The following SIRT5 variants were observed in gnomAD, a reference collection of about 807,000 sequenced individuals.
The protein encoded by SIRT5 is NAD-dependent protein deacylase sirtuin-5, mitochondrial.
Under a neutral mutation model 40.0 loss-of-function variants are expected in SIRT5, and 26 were observed. The ratio of observed to expected loss-of-function variants is 0.65; its 90% CI spans 0.48 to 0.90. The LOEUF (loss-of-function observed/expected upper bound fraction) is 0.90, where lower values mean the gene tolerates loss of function less well. Ranked by LOEUF, SIRT5 falls within the 40% of genes least tolerant of loss-of-function variation. The pLI is 0.00. For synonymous variants in SIRT5, 146 were observed against 149.1 expected, an observed-to-expected ratio of 0.98 and a Z score of 0.15; for missense variants, 401 against 402.4, an observed-to-expected ratio of 1.00 and a Z score of 0.03.
intron 5 of SIRT5, among the ~76,000 whole-genome samples, chr6:13,595,097 G>A (rs914124551): frequency 1.3e-5 from 2 of 152,204 alleles, no homozygotes; most frequent in African/African-American, 4.8e-5. Context: ...TAGTCATGGA[G>A]TTATTTATTT....
rs752315303 is a variant in SIRT5 at position 13,600,892 on chromosome 6, G to T, written c.800G>T (p.Arg267Met). ...ATGTTTGCCCCCCAGGTGGCTGCCA[G>T]GGGCGTGCCAGTGGCTGAATTTAAC... ...AAMFAPQVAARGVPVAEFNTE... is the reference protein window; with the variant it reads ...AAMFAPQVAAMGVPVAEFNTE... The change falls in exon 9 of 10, where the codon AGG becomes ATG. Residue 267 changes from arginine to methionine, a missense_variant. Transcript: ENST00000606117. 23 of 1,614,024 alleles carry T rather than the reference G, an allele frequency of 1.4e-5. No homozygotes were observed. The highest frequency in any genetic ancestry group is 1.9e-5 in the Non-Finnish European group (22 of 1,180,006).
Position 13,588,473 on chromosome 6 carries a change from A to G in SIRT5, c.249+9A>G. ...GAAAATGGCAAGCCCAGGTTTGTAA[A>G]GTTTCCAGAACATTAAAAGCCTCTG... is the stretch of plus-strand genomic sequence containing the variant. On this transcript the variant is annotated intron_variant, in intron 4 of 9. Coordinates refer to ENST00000606117, the MANE Select transcript of SIRT5 (RefSeq NM_012241.5). The G allele has an allele frequency of 6.2e-7, 1 of 1,612,046 alleles. No individual in the cohort carries two copies. The highest frequency in any genetic ancestry group is 8.5e-7 in the Non-Finnish European group (1 of 1,179,300).
chr6:13,600,849 G>A lies in SIRT5; in HGVS notation c.757G>A (p.Val253Met), dbSNP rs1170494761. Residue 253 changes from valine to methionine, a missense_variant, in exon 9 of 10, where the codon GTG becomes ATG. Physicochemically the swap from Val to Met is conservative, Grantham distance 21 (BLOSUM62 1). Coordinates refer to ENST00000606117, the MANE Select transcript of SIRT5 (RefSeq NM_012241.5). ...TGCCTTGTAGGTGGGCACTTCCTCTGTGGTGTACCCAGCAGCCATGTTTGC... is the reference window on the plus strand; with the variant it reads ...TGCCTTGTAGGTGGGCACTTCCTCTATGGTGTACCCAGCAGCCATGTTTGC... ...DLCLVVGTSSVVYPAAMFAPQ... is the reference protein window; with the variant it reads ...DLCLVVGTSSMVYPAAMFAPQ... The A allele has an allele frequency of 6.2e-6, 10 of 1,613,550 alleles. No homozygotes were observed. The highest frequency in any genetic ancestry group is 1.7e-5 in the Admixed American group (1 of 59,912).
Position 13,600,895 on chromosome 6 carries a change from G to A in SIRT5, c.803G>A (p.Gly268Asp), listed in dbSNP as rs201544641. The change falls in exon 9 of 10, where the codon GGC becomes GAC. Residue 268 changes from glycine (G) to aspartate (D), a missense_variant. Coordinates refer to ENST00000606117, the MANE Select transcript of SIRT5 (RefSeq NM_012241.5). Reference sequence around the variant, plus strand: ...TTTGCCCCCCAGGTGGCTGCCAGGGGCGTGCCAGTGGCTGAATTTAACACG... The same window carrying A: ...TTTGCCCCCCAGGTGGCTGCCAGGGACGTGCCAGTGGCTGAATTTAACACG... The part of the protein sequence containing the change: ...AMFAPQVAAR[G>D]VPVAEFNTET... 6.2e-7 allele frequency: 1 copy of A among 1,614,048 alleles called. No homozygotes were observed. Among genetic ancestry groups the A allele is most frequent in the East Asian group, 2.2e-5 (1 of 44,898 alleles).
intron 1 of SIRT5, among the ~76,000 whole-genome samples, chr6:13,578,995 G>T (rs1478261828): frequency 1.3e-5 from 2 of 152,044 alleles, no homozygotes; most frequent in East Asian, 3.9e-4. Context: ...TAAAATCAAG[G>T]CAGGAGTCTT....
Position 13,614,790 on chromosome 6 carries a change from C to CT in SIRT5, c.*2928dup, listed in dbSNP as rs34679196. On this transcript the variant is annotated 3_prime_UTR_variant, in exon 10 of 10. Coordinates refer to ENST00000606117, the MANE Select transcript of SIRT5 (RefSeq NM_012241.5). Reference sequence around the variant, plus strand: ...GCGCCGGGCACGTCTGTGCAGATTTCTTTAGAGTCCAGGTCTGTCGCCCGC... The same window carrying CT: ...GCGCCGGGCACGTCTGTGCAGATTTCTTTTAGAGTCCAGGTCTGTCGCCCGC... The CT allele has an allele frequency of 6.6e-6, 1 of 152,446 alleles. No individual in the cohort carries two copies. Among genetic ancestry groups the CT allele is most frequent in the East Asian group, 1.9e-4 (1 of 5,186 alleles). The allele number at this position is 152,446 out of a possible 1,614,324, so 9.4% of individuals were successfully genotyped here.
chr6:13,585,604 G>A (rs1759968672), intron 3 of SIRT5, among the ~76,000 whole-genome samples: 1 of 152,084 alleles, frequency 6.6e-6, no homozygotes, highest in South Asian at 2.1e-4. Flanking sequence ...AGTATTCCAT[G>A]GTGTATATTT....
intron 1 of SIRT5, among the ~76,000 whole-genome samples, chr6:13,578,416 C>T (rs1584732646): frequency 6.6e-6 from 1 of 151,728 alleles, no homozygotes; most frequent in Non-Finnish European, 1.5e-5. Context: ...GTCAGGAGAT[C>T]GAGACCATCC....
rs543685378 is a variant in SIRT5 at position 13,603,271 on chromosome 6, C to T, written c.857+2322C>T. 2.6e-3 allele frequency among the ~76,000 whole-genome samples: 350 copies of T among 132,090 alleles called. 1 individual carries two copies. Among genetic ancestry groups the T allele is most frequent in the South Asian group, 7.6e-3 (32 of 4,212 alleles). 86.7% of individuals were successfully genotyped at this position (132,090 alleles called of 152,430 possible). On this transcript the variant is annotated intron_variant, in intron 9 of 9. Coordinates refer to ENST00000606117, the MANE Select transcript of SIRT5 (RefSeq NM_012241.5). ...CAGCCTGGGCGACAGAGCCAGACTC[C>T]GTCTCAAAAAAAAAAAAAAAAAAAA...
At chr6:13,591,634 G>C (rs1220741639) in intron 4 of SIRT5, 35 bp from the exon 5 acceptor site, 23 of 1,472,478 alleles carry the variant, frequency 1.6e-5, no homozygotes, top group Non-Finnish European at 2.0e-5. Context: ...GGCTGTCTCT[G>C]CCTCCCTCAC....
At position 13,584,114 on chromosome 6, in the gene SIRT5, C is replaced by T. The variant is rs200888688; in HGVS notation, c.4C>T (p.Arg2Ter). Residue 2 changes from arginine (R) to a stop codon, truncating the protein, a stop_gained, in exon 3 of 10, where the codon CGA becomes TGA. Coordinates refer to ENST00000606117, the MANE Select transcript of SIRT5 (RefSeq NM_012241.5). LOFTEE classifies it high-confidence loss of function. ...TTAGAACTACAGACAAACCCTGATG[C>T]GACCTCTCCAGATTGTCCCAAGTCG... is the stretch of plus-strand genomic sequence containing the variant. M[R>*]PLQIVPSRLI... The T allele has an allele frequency of 5.6e-6, 9 of 1,613,070 alleles. No individual in the cohort carries two copies. Among genetic ancestry groups the T allele is most frequent in the South Asian group, 2.2e-5 (2 of 91,050 alleles).
chr6:13,597,123 A>C, intron 7 of SIRT5, 107 bp downstream of exon 7: 1 of 819,942 alleles, frequency 1.2e-6, no homozygotes. Flanking sequence ...TCTTAAATCA[A>C]ATGCACAAAT....
intron 9 of SIRT5, 141 bp downstream of exon 9, chr6:13,601,090 T>C (rs1762322524): frequency 1.7e-6 from 1 of 604,896 alleles, no homozygotes; most frequent in Non-Finnish European, 2.9e-6. Flanking sequence ...GTTGCTTTTA[T>C]GGAAGAACAA....
chr6:13,579,846 T>G (rs912419695), intron 2 of SIRT5, among the ~76,000 whole-genome samples: 1 of 152,238 alleles, frequency 6.6e-6, no homozygotes, highest in African/African-American at 2.4e-5. Context: ...TATGTTTAAG[T>G]TTTTCCAGAT....
intron 6 of SIRT5, among the ~76,000 whole-genome samples, chr6:13,596,551 A>G (rs939387070): frequency 5.9e-5 from 9 of 152,026 alleles, no homozygotes; most frequent in South Asian, 2.1e-4. Flanking sequence ...CAGTGGCACA[A>G]TCACACCTTA....
rs1460904707 is a variant in SIRT5 at position 13,613,528 on chromosome 6, C to G, written c.*1663C>G. The stretch of plus-strand genomic sequence containing the variant: ...GCAAAATTGCATTTAATGTTACACC[C>G]TTGGCTTTTGTAGAAACAGGCAACA... On this transcript the variant is annotated 3_prime_UTR_variant, in exon 10 of 10. Transcript: ENST00000606117. 6.6e-6 allele frequency: 1 copy of G among 152,224 alleles called. No homozygotes were observed. The highest frequency in any genetic ancestry group is 1.5e-5 in the Non-Finnish European group (1 of 68,060). The allele number at this position is 152,224 out of a possible 1,614,324, so 9.4% of individuals were successfully genotyped here.
chr6:13,585,051 A>G (rs1759879754), intron 3 of SIRT5: 3 of 152,134 alleles, frequency 2.0e-5, no homozygotes, highest in Non-Finnish European at 4.4e-5. Flanking sequence ...AAATAACACT[A>G]CACATCTACA....
chr6:13,579,594 G>A lies in SIRT5; in HGVS notation c.-51G>A, dbSNP rs1447701831. ...CGTGGAGACAACCATCTTCATTTTG[G>A]GAGAAATAACTAAAGGTATGTATTA... On this transcript the variant is annotated 5_prime_UTR_variant, in exon 2 of 10. Coordinates refer to ENST00000606117, the MANE Select transcript of SIRT5 (RefSeq NM_012241.5). 1 of 152,104 alleles carries A rather than the reference G, an allele frequency of 6.6e-6. No individual in the cohort carries two copies. The highest frequency in any genetic ancestry group is 2.4e-5 in the African/African-American group (1 of 41,400). 9.4% of individuals were successfully genotyped at this position (152,104 alleles called of 1,614,324 possible).
intron 2 of SIRT5, among the ~76,000 whole-genome samples, chr6:13,582,026 A>G (rs949876543): frequency 1.3e-5 from 2 of 152,150 alleles, no homozygotes; most frequent in African/African-American, 4.8e-5. Context: ...TCTCCCCAAC[A>G]TGATCTAACA....
Sources: gnomAD v4.1 joint callset for allele counts (sites outside exome capture counted in the v4.1 genomes callset) on GRCh38, gnomAD v4.1.1 for gene constraint, MANE v1.5 for transcripts, NCBI Gene and HGNC (gene_info 2026-07-23, HGNC 2026-07-21) for gene names.